The following SCFD2 variants were observed in gnomAD, a reference collection of about 807,000 sequenced individuals.
SCFD2 encodes the protein sec1 family domain-containing protein 2.
Under a neutral mutation model 58.9 loss-of-function variants are expected in SCFD2, and 54 were observed. The ratio of observed to expected loss-of-function variants is 0.92; its 90% CI spans 0.74 to 1.15. SCFD2 has a LOEUF of 1.15. SCFD2 is among the 50% of genes most tolerant of loss of function. The pLI, the probability that SCFD2 is intolerant of heterozygous loss-of-function variation, is 0.00. For missense variants in SCFD2, 805 were observed against 836.6 expected, an observed-to-expected ratio of 0.96 and a Z score of 0.47; for synonymous variants, 321 against 335.9, an observed-to-expected ratio of 0.96 and a Z score of 0.49.
intron 4 of SCFD2, among the ~76,000 whole-genome samples, chr4:53,238,170 G>T (rs1168637514): frequency 2.9e-5 from 4 of 136,952 alleles, no homozygotes; most frequent in East Asian, 2.4e-4. Context: ...GTGGCTGGCC[G>T]GGCGGGGGGC....
intron 3 of SCFD2, among the ~76,000 whole-genome samples, chr4:53,310,311 T>A (rs756910292): frequency 6.6e-6 from 1 of 152,222 alleles, no homozygotes; most frequent in Non-Finnish European, 1.5e-5. Context: ...TTGGCTCTAA[T>A]ATAATAGAAT....
At chr4:53,064,555 G>A (rs1723603991) in intron 5 of SCFD2, among the ~76,000 whole-genome samples, 1 of 152,052 alleles carries the variant, frequency 6.6e-6, no homozygotes, top group African/African-American at 2.4e-5. Context: ...AAACTCTGAG[G>A]ACAATCCAAG....
chr4:53,303,125 T>C (rs1454204007), intron 3 of SCFD2, among the ~76,000 whole-genome samples: 2 of 152,150 alleles, frequency 1.3e-5, no homozygotes, highest in Non-Finnish European at 2.9e-5. Flanking sequence ...CTAAAGAGCT[T>C]CTGCACAGCA....
intron 5 of SCFD2, among the ~76,000 whole-genome samples, chr4:53,130,718 A>G (rs527985194): frequency 2.0e-5 from 3 of 151,516 alleles, no homozygotes; most frequent in East Asian, 3.9e-4. Flanking sequence ...GGAAGAAAAA[A>G]CCCTCTTTTT....
In SCFD2 at chr4:53,166,084, T is replaced by A. The variant is rs546785182; in HGVS notation, c.1312-20502A>T. 3.3e-5 allele frequency among the ~76,000 whole-genome samples: 5 copies of A among 152,362 alleles called. No individual in the cohort carries two copies. The East Asian group carries it at 9.6e-4, about 29-fold the overall frequency. ...AGCATGTCTTAAAAATTCATCCATG[T>A]TGTAGCATGTGTCAGAGTTTCACTC... On this transcript the variant is annotated intron_variant, in intron 4 of 8. Coordinates refer to ENST00000401642, the MANE Select transcript of SCFD2 (RefSeq NM_152540.4).
chr4:52,933,793 T>C (rs747084680), intron 5 of SCFD2, among the ~76,000 whole-genome samples: 2 of 152,248 alleles, frequency 1.3e-5, no homozygotes, highest in Non-Finnish European at 2.9e-5. Context: ...CAAAAGTTCA[T>C]GTGTTAGAAA....
At chr4:53,330,119 T>C (rs1442180688) in intron 2 of SCFD2, among the ~76,000 whole-genome samples, 1 of 152,122 alleles carries the variant, frequency 6.6e-6, no homozygotes, top group Non-Finnish European at 1.5e-5. Flanking sequence ...CTACGTCTGA[T>C]TGCTGTACCT....
intron 6 of SCFD2, among the ~76,000 whole-genome samples, chr4:52,918,233 C>T (rs1719653457): frequency 6.6e-6 from 1 of 152,168 alleles, no homozygotes; most frequent in Admixed American, 6.5e-5. Context: ...TTTTCTAAAC[C>T]AGACACGCAG....
chr4:53,199,844 G>A (rs1355693699), intron 4 of SCFD2, among the ~76,000 whole-genome samples: 1 of 152,100 alleles, frequency 6.6e-6, no homozygotes, highest in African/African-American at 2.4e-5. Flanking sequence ...CAGGGTGTCA[G>A]TATGACCAGG....
intron 3 of SCFD2, among the ~76,000 whole-genome samples, chr4:53,296,354 G>A (rs1164619554): frequency 3.9e-5 from 6 of 152,166 alleles, no homozygotes; most frequent in Middle Eastern, 3.4e-3. Flanking sequence ...CTTCTTCCTG[G>A]TTTAGTCTTG....
chr4:53,213,154 T>C (rs1728678564), intron 4 of SCFD2, among the ~76,000 whole-genome samples: 2 of 152,130 alleles, frequency 1.3e-5, no homozygotes, highest in Admixed American at 6.5e-5. Flanking sequence ...CACTACCTTT[T>C]TGCAAAGTTT....
intron 8 of SCFD2, among the ~76,000 whole-genome samples, chr4:52,878,957 C>T (rs1032490942): frequency 1.3e-5 from 2 of 152,184 alleles, no homozygotes; most frequent in Non-Finnish European, 2.9e-5. Flanking sequence ...AGGGTCCCTG[C>T]CATCTCTTCT....
chr4:53,229,905 G>T (rs1729372968), intron 4 of SCFD2, among the ~76,000 whole-genome samples: 2 of 151,930 alleles, frequency 1.3e-5, no homozygotes, highest in Non-Finnish European at 2.9e-5. Context: ...AATCTACAAT[G>T]AACTCAAACA....
chr4:53,340,870 C>A (rs1733848370), intron 2 of SCFD2, among the ~76,000 whole-genome samples: 1 of 152,192 alleles, frequency 6.6e-6, no homozygotes, highest in Non-Finnish European at 1.5e-5. Flanking sequence ...GGACCTCCAG[C>A]AAACTCCAAC....
chr4:52,875,843 T>C, intron 8 of SCFD2, among the ~76,000 whole-genome samples: 1 of 100,732 alleles, frequency 9.9e-6, no homozygotes, highest in South Asian at 3.2e-4. Flanking sequence ...TATATATATA[T>C]ATATATATAT....
intron 5 of SCFD2, among the ~76,000 whole-genome samples, chr4:53,100,533 C>T (rs1475158409): frequency 6.6e-6 from 1 of 152,114 alleles, no homozygotes; most frequent in African/African-American, 2.4e-5. Context: ...ATTACATTAC[C>T]TTTGTTAAAT....
At chr4:53,025,777 C>T (rs1722461091) in intron 5 of SCFD2, among the ~76,000 whole-genome samples, 1 of 152,202 alleles carries the variant, frequency 6.6e-6, no homozygotes, top group African/African-American at 2.4e-5. Flanking sequence ...ACAGCACACA[C>T]ACAACATTTA....
chr4:53,185,443 C>A (rs1727707996), intron 4 of SCFD2, among the ~76,000 whole-genome samples: 1 of 151,934 alleles, frequency 6.6e-6, no homozygotes, highest in Non-Finnish European at 1.5e-5. Flanking sequence ...AGTGGCACTC[C>A]ATTATGCTAT....
At chr4:53,071,121 G>T (rs1193649809) in intron 5 of SCFD2, among the ~76,000 whole-genome samples, 2 of 152,074 alleles carry the variant, frequency 1.3e-5, no homozygotes, top group Non-Finnish European at 2.9e-5. Flanking sequence ...ATGTAGATAT[G>T]ACAAGTTGGA....
Sources: allele counts gnomAD v4.1 joint callset (sites outside exome capture counted in the v4.1 genomes callset), GRCh38; gene constraint gnomAD v4.1.1; transcripts MANE v1.5; gene names NCBI Gene and HGNC (gene_info 2026-07-23, HGNC 2026-07-21).